The following CAMKMT variants were observed in gnomAD, a reference collection of about 807,000 sequenced individuals.
CAMKMT encodes CaM KMT.
In CAMKMT, 53 loss-of-function variants were observed where a neutral mutation model predicts 48.0. The ratio of observed to expected loss-of-function variants is 1.10; its 90% CI spans 0.89 to 1.39. The LOEUF is 1.39. CAMKMT is among the 40% of genes most tolerant of loss of function. The pLI is 0.00. For synonymous variants in CAMKMT, 165 were observed against 152.3 expected (o/e 1.08, Z -0.61); for missense variants, 428 against 402.7 (o/e 1.06, Z -0.54).
chr2:44,478,334 G>A (rs1224222975), intron 3 of CAMKMT, among the ~76,000 whole-genome samples: 2 of 152,102 alleles, frequency 1.3e-5, no homozygotes, highest in Non-Finnish European at 2.9e-5. Flanking sequence ...TGTGATTACA[G>A]ATATAGGTTT....
intron 3 of CAMKMT, among the ~76,000 whole-genome samples, chr2:44,633,744 A>T (rs963814369): frequency 6.6e-6 from 1 of 151,848 alleles, no homozygotes; most frequent in Non-Finnish European, 1.5e-5. Context: ...GTCCACTTCT[A>T]TGGTTAAATT....
intron 3 of CAMKMT, among the ~76,000 whole-genome samples, chr2:44,473,904 G>A (rs977378622): frequency 2.6e-5 from 4 of 152,048 alleles, no homozygotes; most frequent in African/African-American, 9.7e-5. Context: ...CTTTCAATCC[G>A]TAAACTGGGA....
At chr2:44,730,079 AAAG>A (rs1327355916) in intron 7 of CAMKMT, among the ~76,000 whole-genome samples, 1 of 152,214 alleles carries the variant, frequency 6.6e-6, no homozygotes, top group African/African-American at 2.4e-5. Context: ...GAAAGGAGAA[AAAG>A]AAGAAGAGGA....
At position 44,636,996 on chromosome 2, in the gene CAMKMT, G is replaced by C. The variant is rs184997324; in HGVS notation, c.377-67287G>C. Reference sequence around the variant, plus strand: ...AGTTCACTTGGCAGTAGATAGAACAGTACTCCAACTTGACAAGCATTATAG... The same window carrying C: ...AGTTCACTTGGCAGTAGATAGAACACTACTCCAACTTGACAAGCATTATAG... On this transcript the variant is annotated intron_variant, in intron 3 of 10. Coordinates refer to ENST00000378494, the MANE Select transcript of CAMKMT (RefSeq NM_024766.5). 3.5e-4 allele frequency among the ~76,000 whole-genome samples: 54 copies of C among 152,226 alleles called. 2 individuals carry two copies. The highest frequency in any genetic ancestry group is 3.1e-3 in the Admixed American group (48 of 15,280).
chr2:44,572,674 A>C (rs990809233), intron 3 of CAMKMT, among the ~76,000 whole-genome samples: 1 of 148,232 alleles, frequency 6.7e-6, no homozygotes. Flanking sequence ...TGTTATGAGT[A>C]ATGCTGCTAT....
chr2:44,471,268 G>T (rs2104651161), intron 3 of CAMKMT, among the ~76,000 whole-genome samples: 1 of 152,144 alleles, frequency 6.6e-6, no homozygotes, highest in Middle Eastern at 3.4e-3. Context: ...TGGCATTACA[G>T]GGGTGAGCCA....
chr2:44,410,861 A>AC (rs1291568973), intron 3 of CAMKMT, among the ~76,000 whole-genome samples: 3 of 152,000 alleles, frequency 2.0e-5, no homozygotes, highest in African/African-American at 4.8e-5. Flanking sequence ...TTAGCTCCCC[A>AC]CCCCCCATCT....
intron 3 of CAMKMT, among the ~76,000 whole-genome samples, chr2:44,510,666 A>G (rs538769520): frequency 6.6e-6 from 1 of 152,224 alleles, no homozygotes; most frequent in South Asian, 2.1e-4. Flanking sequence ...AAAAAACTTC[A>G]TTTCAATAGT....
intron 3 of CAMKMT, among the ~76,000 whole-genome samples, chr2:44,665,386 C>A (rs1034024804): frequency 2.6e-5 from 4 of 152,096 alleles, no homozygotes; most frequent in African/African-American, 9.7e-5. Context: ...GAGGTTTTAA[C>A]GTGCAGCCAT....
intron 3 of CAMKMT, among the ~76,000 whole-genome samples, chr2:44,691,987 A>T (rs1323720985): frequency 1.3e-5 from 2 of 152,206 alleles, no homozygotes; most frequent in Admixed American, 1.3e-4. Context: ...TATTGTACAG[A>T]GTGAGTCTGC....
chr2:44,513,621 C>T (rs1352220775), intron 3 of CAMKMT, among the ~76,000 whole-genome samples: 1 of 152,158 alleles, frequency 6.6e-6, no homozygotes, highest in African/African-American at 2.4e-5. Flanking sequence ...AGGCCAGTTC[C>T]AAATGCGCCT....
intron 3 of CAMKMT, among the ~76,000 whole-genome samples, chr2:44,659,202 C>A (rs1674544025): frequency 6.7e-6 from 1 of 149,020 alleles, no homozygotes; most frequent in Non-Finnish European, 1.5e-5. Flanking sequence ...AGGAGGATTT[C>A]TTGAGCCCAG....
intron 3 of CAMKMT, among the ~76,000 whole-genome samples, chr2:44,525,842 A>T (rs67636695): frequency 1.1e-3 from 35 of 32,756 alleles, no homozygotes; most frequent in Non-Finnish European, 1.9e-3. Flanking sequence ...TTTCCCAAGA[A>T]TTCTTTTCTT....
intron 7 of CAMKMT, among the ~76,000 whole-genome samples, chr2:44,716,416 A>C (rs1009037794): frequency 2.0e-5 from 3 of 152,196 alleles, no homozygotes; most frequent in Non-Finnish European, 2.9e-5. Context: ...AAGTGATGAC[A>C]CATATTGGTG....
At chr2:44,450,188 A>G (rs987791940) in intron 3 of CAMKMT, among the ~76,000 whole-genome samples, 3 of 152,178 alleles carry the variant, frequency 2.0e-5, no homozygotes, top group South Asian at 2.1e-4. Context: ...TTTTAAGGTC[A>G]TAGCAGGCTC....
chr2:44,564,589 G>A (rs1668510575), intron 3 of CAMKMT, among the ~76,000 whole-genome samples: 2 of 151,716 alleles, frequency 1.3e-5, no homozygotes, highest in African/African-American at 2.4e-5. Context: ...TTGTCACCCA[G>A]GAAGCTGGAG....
Position 44,711,332 on chromosome 2 carries a change from G to C in CAMKMT, c.556+3870G>C, listed in dbSNP as rs913176159. ...TTACAGGTGCTAAAGATACAATAGT[G>C]AACAAGATAGGTCTAGTACCTATCC... On this transcript the variant is annotated intron_variant, in intron 6 of 10. Transcript: ENST00000378494. Among the ~76,000 whole-genome samples, 6 of 152,146 alleles carry C rather than the reference G, an allele frequency of 3.9e-5. No individual in the cohort carries two copies. The South Asian group carries it at 1.2e-3, about 32-fold the overall frequency.
intron 3 of CAMKMT, among the ~76,000 whole-genome samples, chr2:44,614,876 C>T (rs1219837710): frequency 6.6e-6 from 1 of 151,206 alleles, no homozygotes. Flanking sequence ...CTGTCCCGTG[C>T]ACCACCCAGT....
At chr2:44,590,160 A>G (rs1365513988) in intron 3 of CAMKMT, among the ~76,000 whole-genome samples, 1 of 151,916 alleles carries the variant, frequency 6.6e-6, no homozygotes, top group Non-Finnish European at 1.5e-5. Context: ...AACCTCTAGT[A>G]TAGTGTTTAA....
Sources: allele counts gnomAD v4.1 joint callset (sites outside exome capture counted in the v4.1 genomes callset), GRCh38; gene constraint gnomAD v4.1.1; transcripts MANE v1.5; gene names NCBI Gene and HGNC (gene_info 2026-07-23, HGNC 2026-07-21).